Variants in KCTD7 observed in about 807,000 individuals in gnomAD.
KCTD7 encodes potassium channel tetramerization domain containing 7, also known as BTB/POZ domain-containing protein KCTD7.
KCTD7 carries 15 observed loss-of-function variants against 27.0 expected under a neutral mutation model. That is an observed-to-expected ratio of 0.56 (90% confidence interval 0.37 to 0.86). The LOEUF (loss-of-function observed/expected upper bound fraction) is 0.86. Ranked by LOEUF, KCTD7 falls within the 40% of genes least tolerant of loss-of-function variation. The probability of loss-of-function intolerance (pLI) is 0.00; values close to 1 mark genes in which losing one functional copy is unlikely to be tolerated. For synonymous variants in KCTD7, 159 were observed against 162.7 expected (o/e 0.98, Z 0.17); for missense variants, 299 against 398.9 (o/e 0.75, Z 2.13).
chr7:66,637,888 CTATATA>C (rs932512202), intron 2 of KCTD7, among the ~76,000 whole-genome samples: 14 of 151,690 alleles, frequency 9.2e-5, no homozygotes, highest in African/African-American at 3.4e-4. Flanking sequence ...AATTCTAAAA[CTATATA>C]TATATAAAGG....
chr7:66,629,197 C>T lies in KCTD7; in HGVS notation c.133C>T (p.Leu45=), dbSNP rs587780370. 2.4e-5 allele frequency: 36 copies of T among 1,470,118 alleles called. No homozygotes were observed. The African/African-American group carries it at 3.9e-4, about 16-fold the overall frequency. The allele number at this position is 1,470,118 out of a possible 1,614,324, so 91.1% of individuals were successfully genotyped here. ...GCAGGCGGGGCACGCGCTGCCCCTG[C>T]TGCCACAGGAGGTACCCGGGCGGGC... The part of the protein sequence containing the change: ...ATQAGHALPL[L]PQEFPEVVPL... The change falls in exon 1 of 4, where the codon CTG becomes TTG. Residue 45 remains leucine, a synonymous_variant. Coordinates refer to ENST00000639828, the MANE Select transcript of KCTD7 (RefSeq NM_153033.5).
At chr7:66,630,193 G>A (rs1386498741) in intron 1 of KCTD7, among the ~76,000 whole-genome samples, 1 of 152,130 alleles carries the variant, frequency 6.6e-6, no homozygotes, top group African/African-American at 2.4e-5. Flanking sequence ...CTTGAGCCCT[G>A]GAGGTTGAGG....
chr7:66,642,385 G>A lies in KCTD7; in HGVS notation c.*3153G>A. On this transcript the variant is annotated 3_prime_UTR_variant, in exon 4 of 4. Coordinates refer to ENST00000639828, the MANE Select transcript of KCTD7 (RefSeq NM_153033.5). ...ATTCTGGGAGCTGTCTGAGCCTTGT[G>A]CCTAAGGCTTATCAGGTGATATAAT... The A allele has an allele frequency of 1.0e-6, 1 of 985,404 alleles. No individual in the cohort carries two copies. The highest frequency in any genetic ancestry group is 1.2e-6 in the Non-Finnish European group (1 of 829,932). The allele number at this position is 985,404 out of a possible 1,614,324, so 61.0% of individuals were successfully genotyped here.
intron 1 of KCTD7, among the ~76,000 whole-genome samples, chr7:66,632,497 A>G (rs2116762093): frequency 6.7e-6 from 1 of 150,360 alleles, no homozygotes; most frequent in Admixed American, 6.6e-5. Context: ...TCAAAAAAAA[A>G]AAAAAAAAGA....
Position 66,642,286 on chromosome 7 carries a change from C to G in KCTD7, c.*3054C>G. 1 of 985,256 alleles carries G rather than the reference C, an allele frequency of 1.0e-6. No homozygotes were observed. Among genetic ancestry groups the G allele is most frequent in the East Asian group, 1.1e-4 (1 of 8,828 alleles). The allele number at this position is 985,256 out of a possible 1,614,324, so 61.0% of individuals were successfully genotyped here. On this transcript the variant is annotated 3_prime_UTR_variant, in exon 4 of 4. Coordinates refer to ENST00000639828, the MANE Select transcript of KCTD7 (RefSeq NM_153033.5). ...TACCTCTGCCTTGTTCACCAGGCTG[C>G]CCAGTGCTTACCATGCAGAAAGCAG... is the stretch of plus-strand genomic sequence containing the variant.
At chr7:66,633,953 G>A (rs559287650) in intron 2 of KCTD7, among the ~76,000 whole-genome samples, 2 of 151,544 alleles carry the variant, frequency 1.3e-5, no homozygotes, top group African/African-American at 4.8e-5. Context: ...ACGCCTCTGC[G>A]CTCCAGCCTG....
chr7:66,631,285 T>G (rs1002370737), intron 1 of KCTD7, among the ~76,000 whole-genome samples: 3 of 152,032 alleles, frequency 2.0e-5, no homozygotes, highest in African/African-American at 7.2e-5. Context: ...GCAGGAGAGA[T>G]GTAATATTGA....
rs1196485742 is a variant in KCTD7 at position 66,642,975 on chromosome 7, T to C, written c.*3743T>C. Reference sequence around the variant, plus strand: ...CTATAACACTTCCTGTGTGAGTTCATGTACCTGTCTGTGAGTGCTTTGGTG... The same window carrying C: ...CTATAACACTTCCTGTGTGAGTTCACGTACCTGTCTGTGAGTGCTTTGGTG... On this transcript the variant is annotated 3_prime_UTR_variant, in exon 4 of 4. Transcript: ENST00000639828. The C allele has an allele frequency of 3.0e-6, 3 of 985,304 alleles. No individual in the cohort carries two copies. Among genetic ancestry groups the C allele is most frequent in the Non-Finnish European group, 3.6e-6 (3 of 829,948 alleles). The allele number at this position is 985,304 out of a possible 1,614,324, so 61.0% of individuals were successfully genotyped here.
In KCTD7 at chr7:66,629,040, G is replaced by C; in HGVS notation, c.-25G>C. 1 of 1,491,068 alleles carries C rather than the reference G, an allele frequency of 6.7e-7. No homozygotes were observed. Among genetic ancestry groups the C allele is most frequent in the Non-Finnish European group, 8.9e-7 (1 of 1,118,116 alleles). 92.4% of individuals were successfully genotyped at this position (1,491,068 alleles called of 1,614,324 possible). A position where few individuals can be genotyped will look rare whatever the true frequency, so the allele number is the denominator to read the frequency against. On this transcript the variant is annotated 5_prime_UTR_variant, in exon 1 of 4. Coordinates refer to ENST00000639828, the MANE Select transcript of KCTD7 (RefSeq NM_153033.5). The stretch of plus-strand genomic sequence containing the variant: ...CCGCCGCCTCCGCCCGCCCGAAGCC[G>C]CGCCCACTGCCCAGAGCCAGAGGGA...
At position 66,629,078 on chromosome 7, in the gene KCTD7, CG is replaced by C; in HGVS notation, c.18del (p.Arg7GlyfsTer102). ...AGAGCCAGAGGGATGGTGGTAGTCA[CG>C]GGGCGGGAGCCAGACAGCCGTCGTC... is the stretch of plus-strand genomic sequence containing the variant. MVVV[T>X]GREPDSRRQD... On this transcript the variant is annotated frameshift_variant, in exon 1 of 4. Coordinates refer to ENST00000639828, the MANE Select transcript of KCTD7 (RefSeq NM_153033.5). LOFTEE classifies it high-confidence loss of function. The C allele has an allele frequency of 1.3e-6, 2 of 1,526,962 alleles. No individual in the cohort carries two copies. Among genetic ancestry groups the C allele is most frequent in the Non-Finnish European group, 8.8e-7 (1 of 1,137,938 alleles). The allele number at this position is 1,526,962 out of a possible 1,614,324, so 94.6% of individuals were successfully genotyped here.
Position 66,631,098 on chromosome 7 carries a change from A to G in KCTD7, c.144+1890A>G, listed in dbSNP as rs145544070. Among the ~76,000 whole-genome samples, 293 of 152,328 alleles carry G rather than the reference A, an allele frequency of 1.9e-3. 4 individuals carry two copies. The highest frequency in any genetic ancestry group is 0.011 in the Admixed American group (168 of 15,298). ...GAGTAACAGTGCATACACACACGGA[A>G]GTGTAACTACCTGTCTATTTCTTTC... On this transcript the variant is annotated intron_variant, in intron 1 of 3. Transcript: ENST00000639828.
rs1456426004 is a variant in KCTD7 at position 66,639,962 on chromosome 7, G to T, written c.*730G>T. On this transcript the variant is annotated 3_prime_UTR_variant, in exon 4 of 4. Transcript: ENST00000639828. ...TTCCACCACCTTCCTTGCTTGCAGG[G>T]TTATCTTCTCACAGGGCTGGAATGC... 1 of 1,250,906 alleles carries T rather than the reference G, an allele frequency of 8.0e-7. No homozygotes were observed. Among genetic ancestry groups the T allele is most frequent in the African/African-American group, 1.5e-5 (1 of 64,542 alleles). 77.5% of individuals were successfully genotyped at this position (1,250,906 alleles called of 1,614,324 possible).
chr7:66,638,856 A>T lies in KCTD7; in HGVS notation c.494A>T (p.Asp165Val). ...ATAGGTGTTGTGTTCATCCTTATAGACCACTTGGAGCGGATTGTGGAGATC... is the reference window on the plus strand; with the variant it reads ...ATAGGTGTTGTGTTCATCCTTATAGTCCACTTGGAGCGGATTGTGGAGATC... ...AFLGLMPYYKDHLERIVEIAR... is the reference protein window; with the variant it reads ...AFLGLMPYYKVHLERIVEIAR... Residue 165 changes from aspartate to valine, a missense_variant and splice_region_variant, in exon 4 of 4, where the codon GAC becomes GTC. Asp to Val is a radical substitution (Grantham distance 152). Transcript: ENST00000639828. 6.2e-7 allele frequency: 1 copy of T among 1,613,872 alleles called. No individual in the cohort carries two copies. Among genetic ancestry groups the T allele is most frequent in the Non-Finnish European group, 8.5e-7 (1 of 1,179,996 alleles).
rs976891930 is a variant in KCTD7, at chr7:66,638,230, G to A, written c.315-23G>A. 5.0e-6 allele frequency: 8 copies of A among 1,613,772 alleles called. No individual in the cohort carries two copies. In the East Asian group the frequency reaches 8.9e-5, roughly 18 times the overall value. ...CCAGGAGCATAAGCTCCTTGTCACC[G>A]ACCCTCTTTCCTTCCTGCTTAGAGA... is the stretch of plus-strand genomic sequence containing the variant. On this transcript the variant is annotated intron_variant, in intron 2 of 3. Transcript: ENST00000639828.
At chr7:66,634,118 ATATATATATATATATATATG>A (rs1407282730) in intron 2 of KCTD7, among the ~76,000 whole-genome samples, 14 of 132,728 alleles carry the variant, frequency 1.1e-4, no homozygotes, top group Non-Finnish European at 2.1e-4. Flanking sequence ...GTATACATAT[ATATATATATATATATATATG>A]TATATATATG....
In KCTD7 at chr7:66,633,339, G is replaced by A. The variant is rs749483829; in HGVS notation, c.209G>A (p.Arg70Gln). The A allele has an allele frequency of 4.3e-6, 7 of 1,613,868 alleles. No homozygotes were observed. The Admixed American group carries it at 5.0e-5, about 12-fold the overall frequency. Residue 70 changes from arginine (R) to glutamine (Q), a missense_variant, in exon 2 of 4, where the codon CGG becomes CAG. By Grantham distance (43) the Arg-to-Gln change is conservative (BLOSUM62 1). Coordinates refer to ENST00000639828, the MANE Select transcript of KCTD7 (RefSeq NM_153033.5). ...AHFTTRLSTL[R>Q]CYEDTMLAAM... ...TTCACTACACGCCTGTCCACACTGC[G>A]GTGCTACGAAGACACCATGTTGGCA... is the stretch of plus-strand genomic sequence containing the variant.
Position 66,641,423 on chromosome 7 carries a change from A to G in KCTD7, c.*2191A>G, listed in dbSNP as rs562800529. The G allele has an allele frequency of 2.7e-5, 27 of 985,432 alleles. No individual in the cohort carries two copies. The African/African-American group carries it at 4.5e-4, about 17-fold the overall frequency. The allele number at this position is 985,432 out of a possible 1,614,324, so 61.0% of individuals were successfully genotyped here. ...CTGCTTCCCCCTTCTCCCATGGAGC[A>G]TGGCAGGGCTTGGTTATTTAGAGTC... On this transcript the variant is annotated 3_prime_UTR_variant, in exon 4 of 4. Transcript: ENST00000639828.
At chr7:66,633,945 G>A (rs1309160199) in intron 2 of KCTD7, among the ~76,000 whole-genome samples, 3 of 151,790 alleles carry the variant, frequency 2.0e-5, no homozygotes, top group East Asian at 1.9e-4. Flanking sequence ...CCGAGATCAC[G>A]CCTCTGCGCT....
intron 3 of KCTD7, 69 bp downstream of exon 3, chr7:66,638,500 G>T: frequency 1.3e-6 from 2 of 1,508,472 alleles, no homozygotes; most frequent in Non-Finnish European, 1.8e-6. Context: ...GAGTGTTTAG[G>T]TCTCCATCAG....
Sources: allele counts gnomAD v4.1 joint callset (sites outside exome capture counted in the v4.1 genomes callset), GRCh38; gene constraint gnomAD v4.1.1; transcripts MANE v1.5; gene names NCBI Gene and HGNC (gene_info 2026-07-23, HGNC 2026-07-21).